The following CHRM3 variants were observed in gnomAD, a reference collection of about 807,000 sequenced individuals.
CHRM3 encodes the protein cholinergic receptor muscarinic 3.
Under a neutral mutation model 41.8 loss-of-function variants are expected in CHRM3, and 11 were observed. The observed-to-expected ratio is 0.26, with a 90% confidence interval of 0.17 to 0.44. The LOEUF is 0.44. Ranked by LOEUF, CHRM3 falls within the 20% of genes least tolerant of loss-of-function variation. The probability of loss-of-function intolerance (pLI) is 1.00; values close to 1 mark genes in which losing one functional copy is unlikely to be tolerated. For missense variants in CHRM3, 571 were observed against 745.4 expected (o/e 0.77, Z 2.72); for synonymous variants, 297 against 301.4 (o/e 0.99, Z 0.15).
intron 2 of CHRM3, among the ~76,000 whole-genome samples, chr1:239,530,023 G>T (rs910075952): frequency 3.9e-5 from 6 of 151,904 alleles, no homozygotes; most frequent in Non-Finnish European, 8.8e-5. Context: ...TCAGCCTCCC[G>T]AGTAGCTGGG....
chr1:239,408,819 A>G (rs1224998312), intron 1 of CHRM3, among the ~76,000 whole-genome samples: 2 of 148,658 alleles, frequency 1.3e-5, no homozygotes, highest in Non-Finnish European at 3.0e-5. Context: ...ATGGGGTCTC[A>G]CTGTGTTACC....
chr1:239,722,256 T>G (rs1186944984), intron 5 of CHRM3, among the ~76,000 whole-genome samples: 1 of 151,862 alleles, frequency 6.6e-6, no homozygotes, highest in Non-Finnish European at 1.5e-5. Context: ...GAAATGCATC[T>G]TTGTTTCAGT....
chr1:239,834,164 A>ACACACACC (rs1207533433), intron 6 of CHRM3, among the ~76,000 whole-genome samples: 1 of 150,602 alleles, frequency 6.6e-6, no homozygotes, highest in Non-Finnish European at 1.5e-5. Context: ...ACACACACAC[A>ACACACACC]CACACACACA....
chr1:239,735,107 G>C (rs541181434), intron 5 of CHRM3, among the ~76,000 whole-genome samples: 1 of 152,136 alleles, frequency 6.6e-6, no homozygotes, highest in Non-Finnish European at 1.5e-5. Flanking sequence ...GAGTCAGAAA[G>C]AGAAAACTTT....
In CHRM3 at chr1:239,910,483, T is replaced by A. The variant is rs895140970; in HGVS notation, c.*1259T>A. Reference sequence around the variant, plus strand: ...GCTTTCTGGTGTTCATTGTGTAACCTTCACCCAGGAATAGGTGAGGTTTTA... The same window carrying A: ...GCTTTCTGGTGTTCATTGTGTAACCATCACCCAGGAATAGGTGAGGTTTTA... On this transcript the variant is annotated 3_prime_UTR_variant, in exon 7 of 7. Transcript: ENST00000676153. The A allele has an allele frequency of 6.0e-6, 1 of 166,888 alleles. No individual in the cohort carries two copies. The highest frequency in any genetic ancestry group is 1.5e-5 in the Non-Finnish European group (1 of 68,096). The allele number at this position is 166,888 out of a possible 1,614,324, so 10.3% of individuals were successfully genotyped here. A position where few individuals can be genotyped will look rare whatever the true frequency, so the allele number is the denominator to read the frequency against.
chr1:239,653,881 A>T (rs978858598), intron 4 of CHRM3, among the ~76,000 whole-genome samples: 3 of 152,204 alleles, frequency 2.0e-5, no homozygotes, highest in African/African-American at 4.8e-5. Context: ...GGAGAAAAAC[A>T]AAACAAACAA....
chr1:239,832,369 T>C (rs1672964082), intron 6 of CHRM3, among the ~76,000 whole-genome samples: 1 of 152,212 alleles, frequency 6.6e-6, no homozygotes. Flanking sequence ...TTGTTCAACT[T>C]TGAATGACTT....
chr1:239,552,240 A>T (rs200337529), intron 3 of CHRM3, among the ~76,000 whole-genome samples: 2 of 58,536 alleles, frequency 3.4e-5, no homozygotes, highest in Non-Finnish European at 4.6e-5. Context: ...GATATGTATC[A>T]TATATATGTA....
At chr1:239,669,295 T>C (rs1294429142) in intron 4 of CHRM3, among the ~76,000 whole-genome samples, 1 of 152,232 alleles carries the variant, frequency 6.6e-6, no homozygotes. Context: ...CTTTGTTATG[T>C]GAATTTGACT....
chr1:239,899,312 TAC>T (rs1156245757), intron 6 of CHRM3, among the ~76,000 whole-genome samples: 8 of 146,086 alleles, frequency 5.5e-5, no homozygotes, highest in Non-Finnish European at 8.9e-5. Flanking sequence ...TGTGTGTATA[TAC>T]ACACACGCAT....
At chr1:239,549,429 C>A (rs1274618390) in intron 3 of CHRM3, among the ~76,000 whole-genome samples, 2 of 150,180 alleles carry the variant, frequency 1.3e-5, no homozygotes, top group African/African-American at 2.5e-5. Context: ...ATGGTCAGAT[C>A]ACTTGAGGTC....
At chr1:239,630,247 T>C (rs1669663375) in intron 3 of CHRM3, among the ~76,000 whole-genome samples, 2 of 152,248 alleles carry the variant, frequency 1.3e-5, no homozygotes, top group South Asian at 2.1e-4. Flanking sequence ...TTGTATAATA[T>C]GTATTTACTT....
chr1:239,909,215 G>A lies in CHRM3; in HGVS notation c.1764G>A (p.Gln588=), dbSNP rs1461431827. The change falls in exon 7 of 7, where the codon CAG becomes CAA. Residue 588 remains glutamine, a synonymous_variant. Transcript: ENST00000676153. Reference sequence around the variant, plus strand: ...TTTTTCACAAGCGCGCACCCGAGCAGGCCTTGTAGAATGAGGTTGTATCAA... The same window carrying A: ...TTTTTCACAAGCGCGCACCCGAGCAAGCCTTGTAGAATGAGGTTGTATCAA... ...SVIFHKRAPE[Q]AL 1 of 1,603,698 alleles carries A rather than the reference G, an allele frequency of 6.2e-7. No homozygotes were observed. The highest frequency in any genetic ancestry group is 8.5e-7 in the Non-Finnish European group (1 of 1,175,530).
At chr1:239,473,719 TC>T (rs1416249669) in intron 1 of CHRM3, among the ~76,000 whole-genome samples, 2 of 152,020 alleles carry the variant, frequency 1.3e-5, no homozygotes, top group Non-Finnish European at 2.9e-5. Flanking sequence ...GATAAATGTA[TC>T]TCCCAAAAGC....
chr1:239,820,439 T>A (rs1030989880), intron 5 of CHRM3, among the ~76,000 whole-genome samples: 5 of 152,206 alleles, frequency 3.3e-5, no homozygotes, highest in Non-Finnish European at 5.9e-5. Context: ...ACTTTCGTCT[T>A]CCCTCCTGCG....
intron 3 of CHRM3, among the ~76,000 whole-genome samples, chr1:239,603,961 C>T (rs911796840): frequency 7.2e-5 from 11 of 152,004 alleles, no homozygotes; most frequent in African/African-American, 2.7e-4. Context: ...AGTTTTCAGA[C>T]ATGCAGTTAA....
chr1:239,606,231 A>G (rs1666228748), intron 3 of CHRM3: 1 of 151,584 alleles, frequency 6.6e-6, no homozygotes, highest in Non-Finnish European at 1.5e-5. Flanking sequence ...ATTATTTCTA[A>G]CTTAATTAAG....
intron 3 of CHRM3, among the ~76,000 whole-genome samples, chr1:239,609,011 A>C (rs556353620): frequency 6.6e-6 from 1 of 152,320 alleles, no homozygotes; most frequent in East Asian, 1.9e-4. Flanking sequence ...TGCACATATT[A>C]AAGTGTACAA....
At chr1:239,533,568 TAA>T (rs532423746) in intron 2 of CHRM3, among the ~76,000 whole-genome samples, 2 of 139,888 alleles carry the variant, frequency 1.4e-5, no homozygotes, top group East Asian at 2.1e-4. Flanking sequence ...CCGTCTCTAC[TAA>T]AAAAAAAAAA....
Sources: gnomAD v4.1 joint callset for allele counts (sites outside exome capture counted in the v4.1 genomes callset) on GRCh38, gnomAD v4.1.1 for gene constraint, MANE v1.5 for transcripts, NCBI Gene and HGNC (gene_info 2026-07-23, HGNC 2026-07-21) for gene names.